The following EDA variants were observed in gnomAD, a reference collection of about 807,000 sequenced individuals.
EDA encodes ectodysplasin A.
Under a neutral mutation model 23.6 loss-of-function variants are expected in EDA, and 2 were observed. The ratio of observed to expected loss-of-function variants is 0.08; its 90% CI spans 0.03 to 0.27. The LOEUF (loss-of-function observed/expected upper bound fraction) is 0.27. EDA is among the 10% of genes least tolerant of loss of function. EDA has a pLI of 1.00. For synonymous variants in EDA, 131 were observed against 132.0 expected, an observed-to-expected ratio of 0.99 and a Z score of 0.05; for missense variants, 229 against 324.2, an observed-to-expected ratio of 0.71 and a Z score of 2.26.
At chrX:69,711,353 A>C in intron 1 of EDA, among the ~76,000 whole-genome samples, 1 of 111,531 alleles carries the variant, frequency 9.0e-6, no homozygotes, top group Non-Finnish European at 1.9e-5. Context: ...CCACTTGATC[A>C]TGGTGGATAA....
chrX:69,751,310 G>T (rs945852074), intron 1 of EDA, among the ~76,000 whole-genome samples: 42 of 111,850 alleles, frequency 3.8e-4, no homozygotes, highest in Admixed American at 1.7e-3. Context: ...TTTTTTGTCA[G>T]GTTTGTCAAA....
In EDA at chrX:69,842,197, C is replaced by T. The variant is rs969620856; in HGVS notation, c.397-114830C>T. ...CAGTGGCATTAGATTCTCATAGGAG[C>T]GCAAACCCTATTGTAAATCACACAT... On this transcript the variant is annotated intron_variant, in intron 1 of 7. Coordinates refer to ENST00000374552, the MANE Select transcript of EDA (RefSeq NM_001399.5). Among the ~76,000 whole-genome samples, 15 of 111,062 alleles carry T rather than the reference C, an allele frequency of 1.4e-4. No homozygotes were observed. The South Asian group carries it at 1.5e-3, about 11-fold the overall frequency.
At chrX:69,820,999 T>C (rs183947387) in intron 1 of EDA, among the ~76,000 whole-genome samples, 1 of 111,210 alleles carries the variant, frequency 9.0e-6, no homozygotes, top group Non-Finnish European at 1.9e-5. Context: ...ATGCCCATCA[T>C]TGATAGACTG....
Position 69,805,310 on chromosome X carries a change from G to T in EDA, c.397-151717G>T, listed in dbSNP as rs763986967. Reference sequence around the variant, plus strand: ...ATTCAAAGGAACCATATCTGCCTTTGCTCATTGCTGAAACTATAGTTCTTG... The same window carrying T: ...ATTCAAAGGAACCATATCTGCCTTTTCTCATTGCTGAAACTATAGTTCTTG... On this transcript the variant is annotated intron_variant, in intron 1 of 7. Transcript: ENST00000374552. 1.8e-4 allele frequency among the ~76,000 whole-genome samples: 20 copies of T among 111,217 alleles called. 1 individual carries two copies. The highest frequency in any genetic ancestry group is 1.5e-3 in the Admixed American group (16 of 10,475).
intron 2 of EDA, among the ~76,000 whole-genome samples, chrX:70,008,134 G>A (rs1051609925): frequency 8.9e-5 from 10 of 111,821 alleles, no homozygotes; most frequent in African/African-American, 2.6e-4. Flanking sequence ...GCATCAGCTA[G>A]CATTTCCAGT....
chrX:69,706,181 A>G (rs1305096083), intron 1 of EDA, among the ~76,000 whole-genome samples: 1 of 111,843 alleles, frequency 8.9e-6, no homozygotes, highest in Admixed American at 9.5e-5. Context: ...AAATTAGATT[A>G]CTGAGTTCAG....
chrX:69,626,173 G>A (rs1332005201), intron 1 of EDA, among the ~76,000 whole-genome samples: 1 of 111,830 alleles, frequency 8.9e-6, no homozygotes, highest in African/African-American at 3.2e-5. Flanking sequence ...AAGTGGAGAT[G>A]TGGAGAAATG....
chrX:69,981,012 C>T (rs1175353871), intron 2 of EDA, among the ~76,000 whole-genome samples: 1 of 112,071 alleles, frequency 8.9e-6, no homozygotes, highest in African/African-American at 3.2e-5. Context: ...GAAGCTTTTT[C>T]TAGCCACAAG....
intron 1 of EDA, among the ~76,000 whole-genome samples, chrX:69,676,587 A>G (rs1934093542): frequency 9.1e-6 from 1 of 110,139 alleles, no homozygotes; most frequent in African/African-American, 3.3e-5. Context: ...TCTGTTCTAT[A>G]CCATACTTAA....
chrX:69,744,017 T>C (rs778192848), intron 1 of EDA, among the ~76,000 whole-genome samples: 1 of 111,621 alleles, frequency 9.0e-6, no homozygotes, highest in Non-Finnish European at 1.9e-5. Flanking sequence ...AACAGTAATA[T>C]CTGATGAAGA....
rs191999089 is a variant in EDA at position 69,789,361 on chromosome X, G to A, written c.397-167666G>A. 4.0e-3 allele frequency among the ~76,000 whole-genome samples: 455 copies of A among 112,425 alleles called. 3 individuals are homozygous for A. Among genetic ancestry groups the A allele is most frequent in the Admixed American group, 5.8e-3 (62 of 10,650 alleles). ...AGCAAGGGTAAGGGAATACAATCTG[G>A]TTTTGTTTCTTAGCAGAACCAGAAG... is the stretch of plus-strand genomic sequence containing the variant. On this transcript the variant is annotated intron_variant, in intron 1 of 7. Coordinates refer to ENST00000374552, the MANE Select transcript of EDA (RefSeq NM_001399.5).
chrX:69,725,513 C>T (rs925344030), intron 1 of EDA, among the ~76,000 whole-genome samples: 1 of 112,480 alleles, frequency 8.9e-6, no homozygotes, highest in African/African-American at 3.2e-5. Context: ...CCTCTAGTCA[C>T]ACCTTTAGTT....
At chrX:69,658,164 T>A (rs1472356858) in intron 1 of EDA, among the ~76,000 whole-genome samples, 1 of 109,835 alleles carries the variant, frequency 9.1e-6, no homozygotes, top group Admixed American at 9.8e-5. Context: ...TTTGTAGGTC[T>A]CCTCATAGAG....
At chrX:69,773,162 A>T (rs964089697) in intron 1 of EDA, among the ~76,000 whole-genome samples, 16 of 112,318 alleles carry the variant, frequency 1.4e-4, no homozygotes, top group Admixed American at 4.7e-4. Context: ...TGGAATCATG[A>T]TACACACCTT....
chrX:69,635,087 A>G (rs1199986301), intron 1 of EDA, among the ~76,000 whole-genome samples: 1 of 112,327 alleles, frequency 8.9e-6, no homozygotes, highest in East Asian at 2.8e-4. Context: ...AATATACTCT[A>G]TGATGTTCAC....
At chrX:69,744,052 T>A (rs190785515) in intron 1 of EDA, among the ~76,000 whole-genome samples, 1 of 111,783 alleles carries the variant, frequency 8.9e-6, no homozygotes, top group East Asian at 2.8e-4. Context: ...TCCTGTTGAC[T>A]TGGATATCCT....
At chrX:69,857,033 A>G (rs1448928875) in intron 1 of EDA, among the ~76,000 whole-genome samples, 4 of 111,500 alleles carry the variant, frequency 3.6e-5, no homozygotes, top group African/African-American at 1.3e-4. Context: ...ATCCATCTTG[A>G]GTTGATTTTT....
chrX:70,023,101 T>C, intron 2 of EDA, 117 bp from the exon 3 acceptor site: 1 of 423,555 alleles, frequency 2.4e-6, no homozygotes, highest in African/African-American at 2.5e-5. Flanking sequence ...GACCCTTGGC[T>C]GTGAGACTCC....
chrX:69,794,971 G>A (rs1006252650), intron 1 of EDA, among the ~76,000 whole-genome samples: 1 of 111,219 alleles, frequency 9.0e-6, no homozygotes, highest in African/African-American at 3.3e-5. Flanking sequence ...TCAAAAGAGG[G>A]GCTACATAGT....
Sources: gnomAD v4.1 joint callset for allele counts (sites outside exome capture counted in the v4.1 genomes callset) on GRCh38, gnomAD v4.1.1 for gene constraint, MANE v1.5 for transcripts, NCBI Gene and HGNC (gene_info 2026-07-23, HGNC 2026-07-21) for gene names.